LMX1B: variants seen among roughly 807,000 people sequenced by gnomAD.
The protein encoded by LMX1B is LIM homeobox transcription factor 1-beta.
LMX1B carries 12 observed loss-of-function variants against 51.4 expected under a neutral mutation model. The ratio of observed to expected loss-of-function variants is 0.23; its 90% CI spans 0.15 to 0.38. The LOEUF is 0.38. LMX1B is among the 10% of genes least tolerant of loss of function. LMX1B has a pLI of 1.00. For synonymous variants in LMX1B, 237 were observed against 235.4 expected (o/e 1.01, Z -0.06); for missense variants, 445 against 571.1 (o/e 0.78, Z 2.25).
intron 2 of LMX1B, among the ~76,000 whole-genome samples, chr9:126,635,850 G>A (rs967706131): frequency 6.6e-6 from 1 of 152,206 alleles, no homozygotes; most frequent in Non-Finnish European, 1.5e-5. Context: ...CAAAGGAAAG[G>A]AGGGGAGGGC....
At position 126,615,451 on chromosome 9, in the gene LMX1B, C is replaced by A; in HGVS notation, c.208C>A (p.Arg70=). ...GCCCATCTCCGACCGCTTCCTGATG[C>A]GAGTCAACGAGTCGTCCTGGCACGA... ...QRPISDRFLM[R]VNESSWHEEC... is the part of the protein sequence containing the mutation. Residue 70 remains arginine (R), a synonymous_variant, in exon 2 of 8, where the codon CGA becomes AGA. Transcript: ENST00000373474. This position sits in a 1 kb window ranked among gnomAD's most constrained non-coding sequence, Gnocchi z 6.0. The A allele has an allele frequency of 6.2e-7, 1 of 1,609,476 alleles. No homozygotes were observed. The highest frequency in any genetic ancestry group is 8.5e-7 in the Non-Finnish European group (1 of 1,178,090).
intron 2 of LMX1B, among the ~76,000 whole-genome samples, chr9:126,670,109 G>C (rs1588292568): frequency 6.6e-6 from 1 of 152,170 alleles, no homozygotes; most frequent in Non-Finnish European, 1.5e-5. Flanking sequence ...TCCCAAGAGA[G>C]TCCCGGCGTG....
chr9:126,622,354 G>T (rs927781697), intron 2 of LMX1B, among the ~76,000 whole-genome samples: 21 of 152,212 alleles, frequency 1.4e-4, no homozygotes, highest in Non-Finnish European at 1.9e-4. Context: ...GGGAACTGTG[G>T]GGAGGTGGCT....
chr9:126,693,765 GGCACCA>G lies in LMX1B; in HGVS notation c.843_848del (p.His281_Gln282del). The G allele has an allele frequency of 6.6e-7, 1 of 1,525,210 alleles. No homozygotes were observed. The highest frequency in any genetic ancestry group is 8.9e-7 in the Non-Finnish European group (1 of 1,127,532). 94.5% of individuals were successfully genotyped at this position (1,525,210 alleles called of 1,614,324 possible). A position where few individuals can be genotyped will look rare whatever the true frequency, so the allele number is the denominator to read the frequency against. Reference sequence around the variant, plus strand: ...CTGCAGATGAAGAAGCTGGCGCGGCGGCACCAGCAGCAGCAGGAGCAGCAGAACTCC... The same window carrying G: ...CTGCAGATGAAGAAGCTGGCGCGGCGGCAGCAGCAGGAGCAGCAGAACTCC... On this transcript the variant is annotated inframe_deletion, in exon 6 of 8. Transcript: ENST00000373474.
At chr9:126,631,821 A>C (rs562113038) in intron 2 of LMX1B, among the ~76,000 whole-genome samples, 3 of 152,098 alleles carry the variant, frequency 2.0e-5, no homozygotes, top group African/African-American at 7.2e-5. Flanking sequence ...TAAGGACCAG[A>C]CCCCTGCCTC....
intron 2 of LMX1B, among the ~76,000 whole-genome samples, chr9:126,642,645 G>A (rs1040853462): frequency 1.2e-4 from 19 of 152,240 alleles, no homozygotes; most frequent in Non-Finnish European, 1.9e-4. Context: ...GGGTGTTCCC[G>A]GAGGGTGGGT....
In LMX1B at chr9:126,658,441, GC is replaced by G. The variant is rs1186986540; in HGVS notation, c.327-32390del. Reference sequence around the variant, plus strand: ...CCCCTGCCCTCCCTGCCGCCTGCCAGCCCCCTCCCTCTGGTCCACATTCCCA... The same window carrying G: ...CCCCTGCCCTCCCTGCCGCCTGCCAGCCCCTCCCTCTGGTCCACATTCCCA... On this transcript the variant is annotated intron_variant, in intron 2 of 7. Coordinates refer to ENST00000373474, the MANE Select transcript of LMX1B (RefSeq NM_001174147.2). This position sits in a 1 kb window ranked among gnomAD's most constrained non-coding sequence, Gnocchi z 4.0. Among the ~76,000 whole-genome samples, 1 of 152,010 alleles carries G rather than the reference GC, an allele frequency of 6.6e-6. No homozygotes were observed. The highest frequency in any genetic ancestry group is 1.5e-5 in the Non-Finnish European group (1 of 67,990).
rs1413767471 is a variant in LMX1B, at chr9:126,661,234, C to T, written c.327-29602C>T. Among the ~76,000 whole-genome samples, 3 of 125,378 alleles carry T rather than the reference C, an allele frequency of 2.4e-5. No individual in the cohort carries two copies. The Admixed American group carries it at 2.6e-4, about 11-fold the overall frequency. The allele number at this position is 125,378 out of a possible 152,430, so 82.3% of individuals were successfully genotyped here. ...GGGCGACCTCTCAGGCCAGCGTGGA[C>T]GCCCCACGCAGGGCGACCTCCCAGG... On this transcript the variant is annotated intron_variant, in intron 2 of 7. Coordinates refer to ENST00000373474, the MANE Select transcript of LMX1B (RefSeq NM_001174147.2).
rs1036952277 is a variant in LMX1B at position 126,618,227 on chromosome 9, A to C, written c.326+2658A>C. The stretch of plus-strand genomic sequence containing the variant: ...CCCCACCAAACACAACTTCTGAAAA[A>C]TGTGTCCTCACCCCTGGCTGAGTTG... On this transcript the variant is annotated intron_variant, in intron 2 of 7. Coordinates refer to ENST00000373474, the MANE Select transcript of LMX1B (RefSeq NM_001174147.2). The surrounding 1 kb of genome is among the most constrained non-coding windows in gnomAD (Gnocchi z 4.5). Among the ~76,000 whole-genome samples the C allele has an allele frequency of 6.6e-6, 1 of 152,154 alleles. No individual in the cohort carries two copies. The highest frequency in any genetic ancestry group is 2.4e-5 in the African/African-American group (1 of 41,434).
In LMX1B at chr9:126,634,951, C is replaced by G. The variant is rs536329421; in HGVS notation, c.326+19382C>G. 2.0e-5 allele frequency among the ~76,000 whole-genome samples: 3 copies of G among 152,304 alleles called. No individual in the cohort carries two copies. In the South Asian group the frequency reaches 6.2e-4, roughly 32 times the overall value. Reference sequence around the variant, plus strand: ...AGGGCTCCCCGCTCCTTCCCCTCTCCTCTCTGCCCCTGGCTGTCCTCTCAC... The same window carrying G: ...AGGGCTCCCCGCTCCTTCCCCTCTCGTCTCTGCCCCTGGCTGTCCTCTCAC... On this transcript the variant is annotated intron_variant, in intron 2 of 7. Transcript: ENST00000373474.
At chr9:126,649,149 C>G (rs966097900) in intron 2 of LMX1B, among the ~76,000 whole-genome samples, 1 of 151,998 alleles carries the variant, frequency 6.6e-6, no homozygotes, top group Non-Finnish European at 1.5e-5. Context: ...CAAATCTGTC[C>G]CCTTCTCTCC....
chr9:126,656,471 G>C (rs1836119956), intron 2 of LMX1B, among the ~76,000 whole-genome samples: 1 of 152,144 alleles, frequency 6.6e-6, no homozygotes, highest in Non-Finnish European at 1.5e-5. Context: ...ATCTCCCCAG[G>C]CTCATGGTTT....
intron 2 of LMX1B, among the ~76,000 whole-genome samples, chr9:126,666,170 C>T (rs927595115): frequency 6.6e-6 from 1 of 152,258 alleles, no homozygotes; most frequent in African/African-American, 2.4e-5. Flanking sequence ...CTGAACGCAG[C>T]TCTGGTGCTC....
chr9:126,657,335 TG>T (rs573014678), intron 2 of LMX1B, among the ~76,000 whole-genome samples: 16 of 152,238 alleles, frequency 1.1e-4, no homozygotes, highest in Admixed American at 2.6e-4. Context: ...GTATCTTTCT[TG>T]GTCAGGTATC....
intron 2 of LMX1B, among the ~76,000 whole-genome samples, chr9:126,669,430 C>T (rs917282901): frequency 2.0e-5 from 3 of 152,164 alleles, no homozygotes; most frequent in Admixed American, 1.3e-4. Context: ...AAGTTTCCTT[C>T]GGGTCTGCAT....
At chr9:126,617,911 T>TG (rs1365163397) in intron 2 of LMX1B, among the ~76,000 whole-genome samples, 1 of 60,624 alleles carries the variant, frequency 1.6e-5, no homozygotes, top group African/African-American at 6.9e-5. Context: ...GTGCTGGGGG[T>TG]GGGGGGTGGG....
chr9:126,635,722 C>A (rs1462608606), intron 2 of LMX1B, among the ~76,000 whole-genome samples: 1 of 152,206 alleles, frequency 6.6e-6, no homozygotes, highest in Non-Finnish European at 1.5e-5. Context: ...AACTGGGGCT[C>A]TGAGAGGTTA....
intron 2 of LMX1B, among the ~76,000 whole-genome samples, chr9:126,633,575 T>A (rs1237005680): frequency 6.6e-6 from 1 of 151,856 alleles, no homozygotes; most frequent in African/African-American, 2.4e-5. Context: ...CCTCGGGACA[T>A]GGGGGCCAGG....
intron 2 of LMX1B, among the ~76,000 whole-genome samples, chr9:126,678,990 A>G (rs1166557774): frequency 2.0e-5 from 3 of 152,230 alleles, no homozygotes; most frequent in African/African-American, 7.2e-5. Flanking sequence ...CCTTAAAGTC[A>G]TAATGGTGGG....
Sources: gnomAD v4.1 joint callset for allele counts (sites outside exome capture counted in the v4.1 genomes callset) on GRCh38, gnomAD v4.1.1 for gene constraint, Gnocchi (gnomAD v3.1) non-coding constraint, MANE v1.5 for transcripts, NCBI Gene and HGNC (gene_info 2026-07-23, HGNC 2026-07-21) for gene names.